The following CERS6 variants were observed in gnomAD, a reference collection of about 807,000 sequenced individuals.
CERS6 encodes LAG1 homolog, ceramide synthase 6.
CERS6 carries 26 observed loss-of-function variants against 56.8 expected under a neutral mutation model. The observed-to-expected ratio is 0.46, with a 90% CI of 0.34 to 0.63. CERS6 has a LOEUF of 0.63. Among genes scored for constraint, CERS6 ranks in the 30% least tolerant of loss-of-function variants. The pLI, the probability that CERS6 is intolerant of heterozygous loss-of-function variation, is 0.01. For missense variants in CERS6, 415 were observed against 467.5 expected, an observed-to-expected ratio of 0.89 and a Z score of 1.04; for synonymous variants, 164 against 173.3, an observed-to-expected ratio of 0.95 and a Z score of 0.42.
chr2:168,686,706 G>A lies in CERS6; in HGVS notation c.466-4328G>A, dbSNP rs79793473. 8.7e-3 allele frequency among the ~76,000 whole-genome samples: 1,328 copies of A among 152,210 alleles called. 18 individuals are homozygous for A. The highest frequency in any genetic ancestry group is 0.03 in the African/African-American group (1,243 of 41,532). Reference sequence around the variant, plus strand: ...TCGTCACCCAGAGTACCCAGCGGAAGGCACAGTGGAAGAGCCCAGCTGGCC... The same window carrying A: ...TCGTCACCCAGAGTACCCAGCGGAAAGCACAGTGGAAGAGCCCAGCTGGCC... On this transcript the variant is annotated intron_variant, in intron 4 of 9. Coordinates refer to ENST00000305747, the MANE Select transcript of CERS6 (RefSeq NM_203463.3).
At chr2:168,707,327 T>C (rs1010457013) in intron 6 of CERS6, among the ~76,000 whole-genome samples, 2 of 152,200 alleles carry the variant, frequency 1.3e-5, no homozygotes, top group Admixed American at 6.5e-5. Context: ...GTAGATTCAA[T>C]TCTAGATCTA....
intron 3 of CERS6, among the ~76,000 whole-genome samples, chr2:168,574,820 C>G (rs1275239313): frequency 1.3e-5 from 2 of 152,130 alleles, no homozygotes; most frequent in African/African-American, 2.4e-5. Context: ...GGCTTTGTTT[C>G]TATTAAATCC....
intron 1 of CERS6, among the ~76,000 whole-genome samples, chr2:168,541,623 G>T (rs553285058): frequency 2.8e-4 from 43 of 152,170 alleles, no homozygotes; most frequent in African/African-American, 9.9e-4. Context: ...TTATTTTGTG[G>T]AGATGGTGGA....
At chr2:168,554,478 A>T (rs1040123372) in intron 2 of CERS6, among the ~76,000 whole-genome samples, 4 of 152,184 alleles carry the variant, frequency 2.6e-5, no homozygotes, top group Non-Finnish European at 5.9e-5. Context: ...TACAAACGGG[A>T]CAATTGGACA....
intron 1 of CERS6, among the ~76,000 whole-genome samples, chr2:168,510,998 T>C (rs1392447749): frequency 6.6e-6 from 1 of 152,220 alleles, no homozygotes; most frequent in African/African-American, 2.4e-5. Flanking sequence ...TGTGTGGATA[T>C]AGCACCCTCA....
At chr2:168,662,834 T>C (rs1685665328) in intron 4 of CERS6, among the ~76,000 whole-genome samples, 1 of 152,220 alleles carries the variant, frequency 6.6e-6, no homozygotes, top group African/African-American at 2.4e-5. Flanking sequence ...ATAAAGTCTT[T>C]GCAGCTTCCT....
At chr2:168,639,513 A>G (rs548662635) in intron 4 of CERS6, among the ~76,000 whole-genome samples, 2 of 152,350 alleles carry the variant, frequency 1.3e-5, no homozygotes, top group South Asian at 2.1e-4. Flanking sequence ...CATGATCACC[A>G]TAATAGAACA....
chr2:168,617,203 C>G (rs1270000611), intron 3 of CERS6, among the ~76,000 whole-genome samples: 1 of 151,992 alleles, frequency 6.6e-6, no homozygotes, highest in East Asian at 1.9e-4. Flanking sequence ...GTGGCTCAAC[C>G]TGTCAAAACC....
intron 3 of CERS6, among the ~76,000 whole-genome samples, chr2:168,599,277 TCTCA>T (rs1210025436): frequency 2.0e-5 from 3 of 152,176 alleles, no homozygotes; most frequent in East Asian, 3.9e-4. Context: ...ACATCCTATT[TCTCA>T]CTCCTTTTCC....
At position 168,561,218 on chromosome 2, in the gene CERS6, C is replaced by A. The variant is rs1180561871; in HGVS notation, c.303C>A (p.Gly101=). 1 of 1,613,860 alleles carries A rather than the reference C, an allele frequency of 6.2e-7. No individual in the cohort carries two copies. The highest frequency in any genetic ancestry group is 1.3e-5 in the African/African-American group (1 of 75,002). ...ATCCTGATGAAAAGAGATTGGAAGGCCTCTCCAAGCAACTGGACTGGGATG... is the reference window on the plus strand; with the variant it reads ...ATCCTGATGAAAAGAGATTGGAAGGACTCTCCAAGCAACTGGACTGGGATG... The part of the protein sequence containing the change: ...TKHPDEKRLE[G]LSKQLDWDVR... The change falls in exon 3 of 10, where the codon GGC becomes GGA. Residue 101 remains glycine, a synonymous_variant. Coordinates refer to ENST00000305747, the MANE Select transcript of CERS6 (RefSeq NM_203463.3).
intron 4 of CERS6, among the ~76,000 whole-genome samples, chr2:168,637,765 T>C (rs1224224110): frequency 6.6e-6 from 1 of 152,212 alleles, no homozygotes. Context: ...AGTAACAATC[T>C]CATGTATGTG....
intron 1 of CERS6, among the ~76,000 whole-genome samples, chr2:168,510,842 A>T (rs58755413): frequency 2.0e-4 from 31 of 152,320 alleles, no homozygotes; most frequent in Middle Eastern, 3.4e-3. Context: ...ACAATAAAAT[A>T]AAGATAAAAT....
rs948286731 is a variant in CERS6, at chr2:168,555,578, G to A, written c.277-5614G>A. Among the ~76,000 whole-genome samples the A allele has an allele frequency of 6.3e-4, 96 of 151,516 alleles. 1 individual carries two copies. Among genetic ancestry groups the A allele is most frequent in the African/African-American group, 2.3e-3 (93 of 41,320 alleles). On this transcript the variant is annotated intron_variant, in intron 2 of 9. Transcript: ENST00000305747. The stretch of plus-strand genomic sequence containing the variant: ...TTTATTTATTTTTGTTTTACCAAAG[G>A]CAGCTAAATCGACTAAGAAAAAAAA...
chr2:168,682,314 A>G (rs1559050390), intron 4 of CERS6, among the ~76,000 whole-genome samples: 1 of 152,246 alleles, frequency 6.6e-6, no homozygotes, highest in Non-Finnish European at 1.5e-5. Flanking sequence ...TATGAACATA[A>G]GAAAAAATAA....
intron 1 of CERS6, among the ~76,000 whole-genome samples, chr2:168,513,363 C>T (rs1307151963): frequency 2.0e-5 from 3 of 151,932 alleles, no homozygotes; most frequent in East Asian, 1.9e-4. Flanking sequence ...GTCTTTTTTT[C>T]TGTTCCAGGG....
At chr2:168,525,908 T>G (rs1288530233) in intron 1 of CERS6, among the ~76,000 whole-genome samples, 1 of 152,204 alleles carries the variant, frequency 6.6e-6, no homozygotes, top group Non-Finnish European at 1.5e-5. Context: ...GACCTTCATT[T>G]TAAAAATTTA....
chr2:168,752,131 G>A (rs1684287705), intron 8 of CERS6, among the ~76,000 whole-genome samples: 1 of 152,062 alleles, frequency 6.6e-6, no homozygotes, highest in Non-Finnish European at 1.5e-5. Flanking sequence ...GTCACAGGGA[G>A]AAAATATCTT....
chr2:168,662,918 T>C (rs1409466517), intron 4 of CERS6, among the ~76,000 whole-genome samples: 1 of 152,214 alleles, frequency 6.6e-6, no homozygotes, highest in Non-Finnish European at 1.5e-5. Flanking sequence ...TGAAGAGAAG[T>C]CAGGCATAAC....
At chr2:168,599,721 T>A (rs896819495) in intron 3 of CERS6, among the ~76,000 whole-genome samples, 1 of 152,188 alleles carries the variant, frequency 6.6e-6, no homozygotes, top group Admixed American at 6.5e-5. Context: ...TTGAGGACCA[T>A]CTATCAATCC....
Sources: gnomAD v4.1 joint callset for allele counts (sites outside exome capture counted in the v4.1 genomes callset) on GRCh38, gnomAD v4.1.1 for gene constraint, MANE v1.5 for transcripts, NCBI Gene and HGNC (gene_info 2026-07-23, HGNC 2026-07-21) for gene names.